DNAH9: variants seen among roughly 807,000 people sequenced by gnomAD.
DNAH9 encodes dynein axonemal heavy chain 9, also known as DNAH9 variant protein.
DNAH9 carries 345 observed loss-of-function variants against 471.6 expected under a neutral mutation model. The ratio of observed to expected loss-of-function variants is 0.73; its 90% CI spans 0.67 to 0.80. The LOEUF (loss-of-function observed/expected upper bound fraction) is 0.80. DNAH9 is among the 30% of genes least tolerant of loss of function. The pLI, the probability that DNAH9 is intolerant of heterozygous loss-of-function variation, is 0.00. For missense variants in DNAH9, 5,407 were observed against 5,609.2 expected, an observed-to-expected ratio of 0.96 and a Z score of 1.15; for synonymous variants, 2,093 against 2,123.6, an observed-to-expected ratio of 0.99 and a Z score of 0.40.
intron 26 of DNAH9, among the ~76,000 whole-genome samples, chr17:11,716,162 C>G (rs769825003): frequency 7.3e-5 from 11 of 149,710 alleles, no homozygotes; most frequent in Non-Finnish European, 1.2e-4. Flanking sequence ...CAGCTCACTG[C>G]AACCTCTGCC....
At chr17:11,865,981 C>G (rs922307486) in intron 50 of DNAH9, among the ~76,000 whole-genome samples, 7 of 151,762 alleles carry the variant, frequency 4.6e-5, no homozygotes, top group Non-Finnish European at 7.4e-5. Context: ...TCCTGTAGCT[C>G]GTAGTTTGAT....
At chr17:11,860,851 G>T (rs1971819045) in intron 50 of DNAH9, among the ~76,000 whole-genome samples, 1 of 152,102 alleles carries the variant, frequency 6.6e-6, no homozygotes, top group South Asian at 2.1e-4. Flanking sequence ...GTGAGCCACT[G>T]CGCCCTGCCA....
At chr17:11,718,367 T>A (rs1244868059) in intron 26 of DNAH9, among the ~76,000 whole-genome samples, 5 of 152,274 alleles carry the variant, frequency 3.3e-5, no homozygotes, top group Admixed American at 3.3e-4. Flanking sequence ...CTTTTTGCTG[T>A]TATGAATACT....
intron 28 of DNAH9, among the ~76,000 whole-genome samples, chr17:11,735,131 C>T (rs1348043091): frequency 6.6e-6 from 1 of 152,164 alleles, no homozygotes; most frequent in Non-Finnish European, 1.5e-5. Flanking sequence ...TCTTCTCAGC[C>T]TCAGAGTCCT....
At chr17:11,764,651 T>C (rs1483356005) in intron 36 of DNAH9, among the ~76,000 whole-genome samples, 1 of 152,112 alleles carries the variant, frequency 6.6e-6, no homozygotes, top group Non-Finnish European at 1.5e-5. Flanking sequence ...TTATTTCACC[T>C]AGCATAACAG....
chr17:11,945,973 C>T (rs967136334), intron 67 of DNAH9, among the ~76,000 whole-genome samples: 3 of 151,434 alleles, frequency 2.0e-5, no homozygotes, highest in East Asian at 1.9e-4. Context: ...CCGAGGTGGG[C>T]GGATCAGTTG....
At chr17:11,779,627 T>C (rs1968595042) in intron 38 of DNAH9, among the ~76,000 whole-genome samples, 1 of 152,178 alleles carries the variant, frequency 6.6e-6, no homozygotes, top group Non-Finnish European at 1.5e-5. Flanking sequence ...GATTTGAATA[T>C]CATTGCCTTG....
intron 26 of DNAH9, among the ~76,000 whole-genome samples, chr17:11,713,427 A>T (rs1037368561): frequency 1.3e-5 from 2 of 151,946 alleles, no homozygotes; most frequent in African/African-American, 4.8e-5. Flanking sequence ...CAGTAATGGG[A>T]TGGCTGGGTC....
At chr17:11,763,284 G>A (rs1422129649) in intron 35 of DNAH9, among the ~76,000 whole-genome samples, 156 bp from the exon 36 acceptor site, 1 of 152,134 alleles carries the variant, frequency 6.6e-6, no homozygotes, top group Non-Finnish European at 1.5e-5. Context: ...CAGCTGATGA[G>A]AATAAAGGCT....
At chr17:11,771,512 T>A (rs1192962880) in intron 38 of DNAH9, among the ~76,000 whole-genome samples, 4 of 152,230 alleles carry the variant, frequency 2.6e-5, no homozygotes, top group Non-Finnish European at 5.9e-5. Flanking sequence ...AATAAACCAC[T>A]GGCTTAGTCC....
At chr17:11,806,552 A>G (rs1168467533) in intron 43 of DNAH9, among the ~76,000 whole-genome samples, 1 of 151,994 alleles carries the variant, frequency 6.6e-6, no homozygotes, top group Non-Finnish European at 1.5e-5. Flanking sequence ...ATCACAGTAT[A>G]TTGCTAAATG....
Position 11,834,745 on chromosome 17 carries a change from G to A in DNAH9, c.9354G>A (p.Val3118=). The change falls in exon 49 of 69, where the codon GTG becomes GTA. Residue 3118 remains valine (V), a synonymous_variant. Coordinates refer to ENST00000262442, the MANE Select transcript of DNAH9 (RefSeq NM_001372.4). Reference sequence around the variant, plus strand: ...TCGTGGGTGTGGAGACTGACAAAGTGAGCAGAGAGAAAGCCATGGCAGATG... The same window carrying A: ...TCGTGGGTGTGGAGACTGACAAAGTAAGCAGAGAGAAAGCCATGGCAGATG... The part of the protein sequence containing the change: ...IQVVGVETDK[V]SREKAMADEE... 1 of 1,614,102 alleles carries A rather than the reference G, an allele frequency of 6.2e-7. No homozygotes were observed. Among genetic ancestry groups the A allele is most frequent in the South Asian group, 1.1e-5 (1 of 91,060 alleles).
At chr17:11,881,847 G>A (rs1972734654) in intron 55 of DNAH9, among the ~76,000 whole-genome samples, 1 of 152,142 alleles carries the variant, frequency 6.6e-6, no homozygotes, top group African/African-American at 2.4e-5. Context: ...GGGAGACGGA[G>A]GTTGCAGTGA....
intron 58 of DNAH9, among the ~76,000 whole-genome samples, chr17:11,894,042 C>T (rs1973146797): frequency 6.6e-6 from 1 of 152,184 alleles, no homozygotes; most frequent in African/African-American, 2.4e-5. Flanking sequence ...CTCCTCAGAT[C>T]ATGTCATTTG....
intron 48 of DNAH9, among the ~76,000 whole-genome samples, chr17:11,827,402 G>GGAC (rs1379379103): frequency 6.6e-6 from 1 of 152,160 alleles, no homozygotes; most frequent in African/African-American, 2.4e-5. Flanking sequence ...AGGCGAAGGA[G>GGAC]GACCAAGTAT....
chr17:11,924,785 G>A (rs1465501949), intron 62 of DNAH9, among the ~76,000 whole-genome samples: 1 of 151,722 alleles, frequency 6.6e-6, no homozygotes, highest in Non-Finnish European at 1.5e-5. Context: ...CACCACGCCC[G>A]GCTAATTTTT....
At chr17:11,961,745 C>T in intron 67 of DNAH9, 122 bp from the exon 68 acceptor site, 1 of 1,192,404 alleles carries the variant, frequency 8.4e-7, no homozygotes, top group East Asian at 2.4e-5. Context: ...GTTCAAATGA[C>T]ATGAACAAGG....
chr17:11,858,015 T>C (rs889879668), intron 50 of DNAH9, among the ~76,000 whole-genome samples: 6 of 152,212 alleles, frequency 3.9e-5, no homozygotes, highest in African/African-American at 1.4e-4. Context: ...TATTTCTTTA[T>C]AGCAATGCAA....
At chr17:11,703,548 G>A (rs2074641253) in intron 24 of DNAH9, among the ~76,000 whole-genome samples, 1 of 152,132 alleles carries the variant, frequency 6.6e-6, no homozygotes, top group South Asian at 2.1e-4. Context: ...TCAAAGTTAT[G>A]CATGTTCCAT....
Sources: gnomAD v4.1 joint callset for allele counts (sites outside exome capture counted in the v4.1 genomes callset) on GRCh38, gnomAD v4.1.1 for gene constraint, MANE v1.5 for transcripts, NCBI Gene and HGNC (gene_info 2026-07-23, HGNC 2026-07-21) for gene names.